JAK1: variants seen among roughly 807,000 people sequenced by gnomAD.
The protein encoded by JAK1 is Janus kinase 1.
In JAK1, 16 loss-of-function variants were observed where a neutral mutation model predicts 136.6. The observed-to-expected ratio is 0.12, with a 90% CI of 0.08 to 0.18. The LOEUF (loss-of-function observed/expected upper bound fraction) is 0.18, where lower values mean the gene tolerates loss of function less well. JAK1 is among the 10% of genes least tolerant of loss of function. The probability of loss-of-function intolerance (pLI) is 1.00; values close to 1 mark genes in which losing one functional copy is unlikely to be tolerated. For missense variants in JAK1, 859 were observed against 1,450.1 expected (o/e 0.59, Z 6.62); for synonymous variants, 492 against 519.5 (o/e 0.95, Z 0.72).
intron 8 of JAK1, 65 bp downstream of exon 8, chr1:64,864,722 C>T (rs541090543): frequency 1.0e-5 from 13 of 1,251,046 alleles, no homozygotes; most frequent in East Asian, 2.3e-5. Flanking sequence ...TGCTGCAGAA[C>T]GGAACTCAGC....
At chr1:65,037,003 T>C (rs897531361) in intron 2 of JAK1, among the ~76,000 whole-genome samples, 2 of 152,176 alleles carry the variant, frequency 1.3e-5, no homozygotes, top group Non-Finnish European at 2.9e-5. Flanking sequence ...CTGGTTAACA[T>C]TGCAAGACCC....
Position 65,048,797 on chromosome 1 carries a change from TGA to T in JAK1, c.-180-4217_-180-4216del, listed in dbSNP as rs1022173849. On this transcript the variant is annotated intron_variant, in intron 1 of 25. Coordinates refer to the JAK1 transcript ENST00000671954. ...TCCCTTTGCTTCTTACCACTCTGAT[TGA>T]GAGTCTTGGGAAATGGGCATTTAAT... Among the ~76,000 whole-genome samples, 49 of 152,090 alleles carry T rather than the reference TGA, an allele frequency of 3.2e-4. 1 individual carries two copies. The highest frequency in any genetic ancestry group is 1.2e-3 in the African/African-American group (48 of 41,516).
intron 2 of JAK1, among the ~76,000 whole-genome samples, chr1:65,011,204 G>A (rs965138755): frequency 6.6e-6 from 1 of 152,092 alleles, no homozygotes; most frequent in Admixed American, 6.6e-5. Context: ...GGCTGGACAC[G>A]GTGGCTTATG....
rs1644803459 is a variant in JAK1 at position 64,883,302 on chromosome 1, C to T, written c.180G>A (p.Leu60=). 3 of 1,614,000 alleles carry T rather than the reference C, an allele frequency of 1.9e-6. No individual in the cohort carries two copies. Among genetic ancestry groups the T allele is most frequent in the Non-Finnish European group, 2.5e-6 (3 of 1,179,898 alleles). ...LGSGEYTAEE[L]CIRAAQACRI... ...GGCATGCCTGTGCAGCCCTGATGCA[C>T]AGTTCCTCTGCTGTGTACTCTCCAC... is the stretch of plus-strand genomic sequence containing the variant. Residue 60 remains leucine (L), a synonymous_variant, in exon 3 of 25, where the codon CTG becomes CTA. Transcript: ENST00000342505.
chr1:64,977,343 G>A (rs1646505229), intron 2 of JAK1, among the ~76,000 whole-genome samples: 2 of 152,158 alleles, frequency 1.3e-5, no homozygotes, highest in South Asian at 4.2e-4. Flanking sequence ...GTAGAGATGA[G>A]GTCTTGCTAT....
At chr1:65,027,124 G>A (rs898698008) in intron 2 of JAK1, among the ~76,000 whole-genome samples, 5 of 151,514 alleles carry the variant, frequency 3.3e-5, no homozygotes, top group African/African-American at 9.7e-5. Flanking sequence ...TCGACTCACT[G>A]CAACCTCTGC....
At chr1:64,940,374 T>C (rs1645867533) in intron 1 of JAK1, among the ~76,000 whole-genome samples, 1 of 150,534 alleles carries the variant, frequency 6.6e-6, no homozygotes. Flanking sequence ...TGGAGTGCAG[T>C]GGCACAATCT....
chr1:65,022,753 A>G (rs1646947364), intron 2 of JAK1, among the ~76,000 whole-genome samples: 1 of 152,216 alleles, frequency 6.6e-6, no homozygotes. Flanking sequence ...AACTTCATAC[A>G]TTAGTGTCAT....
At chr1:64,970,088 T>C (rs557023611), upstream of JAK1, among the ~76,000 whole-genome samples, 5 of 122,988 alleles carry the variant, frequency 4.1e-5, no homozygotes, top group African/African-American at 1.2e-4. Context: ...TGAGCTAGTA[T>C]GGTGCCACTG....
chr1:64,869,497 A>G, intron 5 of JAK1, 23 bp from the exon 6 acceptor site: 3 of 1,608,042 alleles, frequency 1.9e-6, no homozygotes, highest in Non-Finnish European at 2.6e-6. Flanking sequence ...GGGAGAAACC[A>G]TGAGAGCCCA....
intron 1 of JAK1, among the ~76,000 whole-genome samples, chr1:65,051,806 T>C (rs1041922974): frequency 6.6e-6 from 1 of 152,210 alleles, no homozygotes; most frequent in African/African-American, 2.4e-5. Flanking sequence ...AATACAGTAA[T>C]AGTCTAAATG....
At chr1:64,969,146 G>T (rs1274897639), upstream of JAK1, among the ~76,000 whole-genome samples, 1 of 150,826 alleles carries the variant, frequency 6.6e-6, no homozygotes, top group African/African-American at 2.4e-5. Flanking sequence ...GTGTGACTGG[G>T]GAATGAGAAA....
intron 1 of JAK1, among the ~76,000 whole-genome samples, chr1:65,067,018 A>G (rs1364947386): frequency 6.6e-6 from 1 of 151,784 alleles, no homozygotes; most frequent in Non-Finnish European, 1.5e-5. Context: ...GCCGCGCAAA[A>G]CCGCGGAAAT....
chr1:64,841,140 G>A (rs549201168), intron 19 of JAK1, 105 bp downstream of exon 19: 2 of 831,906 alleles, frequency 2.4e-6, no homozygotes, highest in South Asian at 1.6e-5. Flanking sequence ...CATGGACCTG[G>A]CCCCAGAATG....
intron 1 of JAK1, among the ~76,000 whole-genome samples, chr1:64,937,487 T>C (rs1224797460): frequency 3.3e-5 from 5 of 152,236 alleles, no homozygotes; most frequent in Non-Finnish European, 7.3e-5. Flanking sequence ...AATTTTTCCA[T>C]AAATTGAAAG....
chr1:64,873,923 T>C (rs2101164519), intron 4 of JAK1, among the ~76,000 whole-genome samples: 2 of 152,296 alleles, frequency 1.3e-5, no homozygotes, highest in South Asian at 4.1e-4. Context: ...ATTTTAACAT[T>C]CCTGCAACTT....
chr1:64,844,953 GTCCC>G lies in JAK1; in HGVS notation c.2116-68_2116-65del. 1 of 1,603,632 alleles carries G rather than the reference GTCCC, an allele frequency of 6.2e-7. No homozygotes were observed. The highest frequency in any genetic ancestry group is 1.1e-5 in the South Asian group (1 of 90,038). Reference sequence around the variant, plus strand: ...TTCCCGCATTCTATTTCCAACCCTGGTCCCTCAGGTCATCTCTTCCTACCCCCAG... The same window carrying G: ...TTCCCGCATTCTATTTCCAACCCTGGTCAGGTCATCTCTTCCTACCCCCAG... On this transcript the variant is annotated intron_variant, in intron 15 of 24. Coordinates refer to ENST00000342505, the MANE Select transcript of JAK1 (RefSeq NM_002227.4). The surrounding 1 kb of genome is among the most constrained non-coding windows in gnomAD (Gnocchi z 5.7).
chr1:64,950,170 C>G (rs1054802352), intron 1 of JAK1, among the ~76,000 whole-genome samples: 14 of 152,048 alleles, frequency 9.2e-5, no homozygotes, highest in Non-Finnish European at 1.6e-4. Flanking sequence ...AGCACTTTGG[C>G]GGGCCAAGGC....
At chr1:64,884,211 T>G (rs1435889686) in intron 2 of JAK1, among the ~76,000 whole-genome samples, 1 of 152,100 alleles carries the variant, frequency 6.6e-6, no homozygotes, top group East Asian at 1.9e-4. Flanking sequence ...GTAATTCACA[T>G]AAGCACCCTC....
Sources: allele counts gnomAD v4.1 joint callset (sites outside exome capture counted in the v4.1 genomes callset), GRCh38; gene constraint gnomAD v4.1.1; non-coding constraint Gnocchi (gnomAD v3.1); transcripts MANE v1.5; gene names NCBI Gene and HGNC (gene_info 2026-07-23, HGNC 2026-07-21).